Variants in USP28 observed in about 807,000 individuals in gnomAD.
USP28 encodes the protein ubiquitin carboxyl-terminal hydrolase 28.
Under a neutral mutation model 145.0 loss-of-function variants are expected in USP28, and 113 were observed. That is an observed-to-expected ratio of 0.78 (90% CI 0.67 to 0.91). USP28 has a LOEUF of 0.91. Among genes scored for constraint, USP28 ranks in the 40% least tolerant of loss-of-function variants. USP28 has a pLI of 0.00. For missense variants in USP28, 1,201 were observed against 1,289.6 expected (o/e 0.93, Z 1.05); for synonymous variants, 447 against 450.9 (o/e 0.99, Z 0.11).
chr11:113,846,980 G>C (rs1945931151), intron 3 of USP28, among the ~76,000 whole-genome samples: 1 of 152,182 alleles, frequency 6.6e-6, no homozygotes, highest in South Asian at 2.1e-4. Context: ...GGGTGACAGA[G>C]CGAGCTTCCT....
At chr11:113,804,842 G>A in intron 20 of USP28, 26 bp downstream of exon 21, 2 of 1,611,944 alleles carry the variant, frequency 1.2e-6, no homozygotes. Flanking sequence ...CAGACCAAGG[G>A]ATTCACCTGA....
chr11:113,804,071 T>C (rs1939518709), intron 21 of USP28, among the ~76,000 whole-genome samples, 194 bp from the exon 23 acceptor site: 1 of 152,258 alleles, frequency 6.6e-6, no homozygotes, highest in African/African-American at 2.4e-5. Flanking sequence ...TAATTTTCAA[T>C]GTTCTGTTCC....
In USP28 at chr11:113,854,768, C is replaced by T. The variant is rs557142545; in HGVS notation, c.58-433G>A. On this transcript the variant is annotated intron_variant, in intron 1 of 24. Coordinates refer to ENST00000003302, the Ensembl canonical transcript of USP28. ...CAAGGTATTGGCTGTCAGAAATATT[C>T]TGAAATGCCAAATCTATTTCTCTTT... 3.3e-5 allele frequency among the ~76,000 whole-genome samples: 5 copies of T among 152,302 alleles called. No individual in the cohort carries two copies. In the South Asian group the frequency reaches 1.0e-3, roughly 32 times the overall value.
chr11:113,829,385 T>C (rs752779192), intron 9 of USP28, 40 bp from the exon 10 acceptor site: 2 of 1,608,890 alleles, frequency 1.2e-6, no homozygotes, highest in Non-Finnish European at 8.5e-7. Flanking sequence ...GACATCACTA[T>C]GACTATCTAA....
At chr11:113,807,920 A>C in intron 18 of USP28, 31 bp downstream of exon 19, 1 of 1,003,714 alleles carries the variant, frequency 1.0e-6, no homozygotes, top group Non-Finnish European at 1.2e-6. Flanking sequence ...GACTGACAAC[A>C]AACAACTATA....
intron 3 of USP28, among the ~76,000 whole-genome samples, chr11:113,851,712 G>C (rs2136446362): frequency 6.6e-6 from 1 of 151,564 alleles, no homozygotes; most frequent in East Asian, 1.9e-4. Context: ...TTGAACCCCA[G>C]AGGCAGAGGT....
intron 5 of USP28, chr11:113,835,450 A>T (rs1399500585): frequency 2.1e-5 from 9 of 423,596 alleles, no homozygotes; most frequent in African/African-American, 4.1e-5. Flanking sequence ...TACTGACTAG[A>T]GCCCACGTGC....
Position 113,804,660 on chromosome 11 carries a change from G to T in USP28, c.2658+13C>A. ...AATGTTTTTGCTCTATAGACTTAAA[G>T]AAAACACTTTACCTTGTACTCTTCC... On this transcript the variant is annotated intron_variant, in intron 21 of 24. Transcript: ENST00000003302. 6.2e-7 allele frequency: 1 copy of T among 1,607,342 alleles called. No homozygotes were observed. The highest frequency in any genetic ancestry group is 8.5e-7 in the Non-Finnish European group (1 of 1,178,258).
At chr11:113,803,737 A>T in intron 22 of USP28, 61 bp downstream of exon 23, 1 of 1,341,338 alleles carries the variant, frequency 7.5e-7, no homozygotes, top group African/African-American at 1.5e-5. Flanking sequence ...ATTCCCAGGT[A>T]GGCATCTACA....
In USP28 at chr11:113,845,921, A is replaced by G. The variant is rs147990565; in HGVS notation, c.269-4153T>C. ...TATCTGTACATCCAAGTTCACAGCA[A>G]CACTATTCACAAGAGCCAAGAGGTG... On this transcript the variant is annotated intron_variant, in intron 3 of 24. Transcript: ENST00000003302. Among the ~76,000 whole-genome samples, 174 of 152,360 alleles carry G rather than the reference A, an allele frequency of 1.1e-3. 3 individuals are homozygous for G. The East Asian group carries it at 0.028, about 24-fold the overall frequency.
chr11:113,840,775 C>A lies in USP28; in HGVS notation c.375-18G>T. The A allele has an allele frequency of 6.3e-7, 1 of 1,593,984 alleles. No individual in the cohort carries two copies. The highest frequency in any genetic ancestry group is 1.1e-5 in the South Asian group (1 of 88,034). On this transcript the variant is annotated intron_variant, in intron 4 of 24. Transcript: ENST00000003302. ...CATGCATCCTATATTGTGCAGCGTGCCACACAGCAAAAAAGAAAATAGTTA... is the reference window on the plus strand; with the variant it reads ...CATGCATCCTATATTGTGCAGCGTGACACACAGCAAAAAAGAAAATAGTTA...
At chr11:113,854,710 T>C (rs1361710278) in intron 1 of USP28, among the ~76,000 whole-genome samples, 2 of 152,158 alleles carry the variant, frequency 1.3e-5, no homozygotes, top group Non-Finnish European at 2.9e-5. Flanking sequence ...CCCTGCATTT[T>C]TTTACTCTAA....
chr11:113,826,648 G>A (rs373494252), intron 11 of USP28, among the ~76,000 whole-genome samples: 5 of 151,758 alleles, frequency 3.3e-5, no homozygotes, highest in Admixed American at 6.6e-5. Context: ...GGCCGGGCGC[G>A]GTGGCTCACA....
rs117797458 is a variant in USP28, at chr11:113,833,365, G to A, written c.759+55C>T. 4.0e-4 allele frequency: 637 copies of A among 1,593,326 alleles called. 9 individuals carry two copies. The Admixed American group carries it at 7.3e-3, about 18-fold the overall frequency. ...TACGCAGTTGAAATGAAGCAGTACCGCATTAACACTGACAAGGCATGACTT... is the reference window on the plus strand; with the variant it reads ...TACGCAGTTGAAATGAAGCAGTACCACATTAACACTGACAAGGCATGACTT... On this transcript the variant is annotated intron_variant, in intron 7 of 24. Coordinates refer to ENST00000003302, the Ensembl canonical transcript of USP28.
intron 5 of USP28, chr11:113,835,404 T>C: frequency 2.2e-6 from 1 of 453,614 alleles, no homozygotes; most frequent in Non-Finnish European, 4.4e-6. Context: ...GCCCCAGGTA[T>C]ATTTCCTAAT....
rs530305355 is a variant in USP28, at chr11:113,813,323, A to C, written c.1743+562T>G. 2.6e-4 allele frequency among the ~76,000 whole-genome samples: 40 copies of C among 152,326 alleles called. 1 individual carries two copies. In the South Asian group the frequency reaches 7.7e-3, roughly 29 times the overall value. On this transcript the variant is annotated intron_variant, in intron 15 of 24. Transcript: ENST00000003302. ...TTCTGCCCATTCCAGTCATTCATAC[A>C]GAAGCCACTGAAAGTCCATGCCCCT...
chr11:113,801,623 G>C, exon 24 of USP28: 1 of 1,595,500 alleles, frequency 6.3e-7, no homozygotes, highest in Non-Finnish European at 8.6e-7. Flanking sequence ...AATGCCCTCA[G>C]TTACGGAGTG....
intron 16 of USP28, among the ~76,000 whole-genome samples, chr11:113,809,605 G>A (rs1940626547): frequency 6.6e-6 from 1 of 152,212 alleles, no homozygotes; most frequent in Non-Finnish European, 1.5e-5. Context: ...TGGAGCATTT[G>A]GGATTTTGGA....
At chr11:113,811,744 A>G (rs1379276759) in intron 16 of USP28, among the ~76,000 whole-genome samples, 1 of 152,106 alleles carries the variant, frequency 6.6e-6, no homozygotes, top group East Asian at 1.9e-4. Context: ...AAATATATGT[A>G]CTATCAGCAC....
Sources: gnomAD v4.1 joint callset for allele counts (sites outside exome capture counted in the v4.1 genomes callset) on GRCh38, gnomAD v4.1.1 for gene constraint, MANE v1.5 for transcripts, NCBI Gene and HGNC (gene_info 2026-07-23, HGNC 2026-07-21) for gene names.